Variants in FSTL5 observed in about 807,000 individuals in gnomAD.
FSTL5 encodes follistatin like 5.
Under a neutral mutation model 89.1 loss-of-function variants are expected in FSTL5, and 62 were observed. The ratio of observed to expected loss-of-function variants is 0.70; its 90% CI spans 0.57 to 0.86. The LOEUF is 0.86. Ranked by LOEUF, FSTL5 falls within the 40% of genes least tolerant of loss-of-function variation. The pLI is 0.00. For synonymous variants in FSTL5, 383 were observed against 346.2 expected (o/e 1.11, Z -1.18); for missense variants, 1,057 against 1,001.6 (o/e 1.06, Z -0.75).
intron 15 of FSTL5, among the ~76,000 whole-genome samples, chr4:161,393,340 C>T (rs1730884659): frequency 6.6e-6 from 1 of 151,636 alleles, no homozygotes; most frequent in South Asian, 2.1e-4. Flanking sequence ...TAATTATGCA[C>T]AATCTACTAT....
At chr4:162,133,339 T>C (rs764915994) in intron 1 of FSTL5, among the ~76,000 whole-genome samples, 1 of 152,192 alleles carries the variant, frequency 6.6e-6, no homozygotes, top group Non-Finnish European at 1.5e-5. Context: ...GAGTACCTTC[T>C]CCACGGTCAC....
intron 15 of FSTL5, among the ~76,000 whole-genome samples, chr4:161,395,549 A>G (rs896963254): frequency 6.6e-6 from 1 of 152,124 alleles, no homozygotes; most frequent in African/African-American, 2.4e-5. Flanking sequence ...TTATAATTAG[A>G]TTGGCTGATT....
chr4:161,884,237 G>T (rs1361478238), intron 4 of FSTL5, among the ~76,000 whole-genome samples: 1 of 151,834 alleles, frequency 6.6e-6, no homozygotes, highest in Non-Finnish European at 1.5e-5. Context: ...TTTTAGTAGA[G>T]ATATTGGCCA....
At chr4:162,032,052 C>T (rs1737550252) in intron 3 of FSTL5, among the ~76,000 whole-genome samples, 1 of 152,002 alleles carries the variant, frequency 6.6e-6, no homozygotes, top group Admixed American at 6.6e-5. Context: ...ATTGTTATTG[C>T]ATTATAAAAG....
At chr4:161,928,046 C>A (rs1734177027) in intron 3 of FSTL5, among the ~76,000 whole-genome samples, 1 of 151,712 alleles carries the variant, frequency 6.6e-6, no homozygotes, top group South Asian at 2.1e-4. Flanking sequence ...CCATTATGAG[C>A]TCAAGTCAAT....
intron 7 of FSTL5, among the ~76,000 whole-genome samples, chr4:161,613,593 GA>G (rs1474233127): frequency 6.6e-6 from 1 of 152,058 alleles, no homozygotes; most frequent in Non-Finnish European, 1.5e-5. Context: ...GGAGACCGAA[GA>G]AAAAAATCTC....
intron 2 of FSTL5, among the ~76,000 whole-genome samples, chr4:162,072,168 TTTAA>T (rs879491488): frequency 2.0e-5 from 3 of 151,818 alleles, no homozygotes; most frequent in Non-Finnish European, 4.4e-5. Context: ...TGAATGTCAG[TTTAA>T]TTGACATTAG....
intron 14 of FSTL5, among the ~76,000 whole-genome samples, chr4:161,457,064 A>C (rs1733378866): frequency 6.6e-6 from 1 of 152,270 alleles, no homozygotes; most frequent in Non-Finnish European, 1.5e-5. Flanking sequence ...TCTCCACGTG[A>C]CCCAAAGTTG....
chr4:161,889,502 G>C (rs1300004989), intron 4 of FSTL5, among the ~76,000 whole-genome samples: 1 of 152,224 alleles, frequency 6.6e-6, no homozygotes, highest in East Asian at 1.9e-4. Flanking sequence ...AAATTTGCTA[G>C]GTGTGGCAGT....
chr4:162,114,346 A>T (rs965577986), intron 1 of FSTL5, among the ~76,000 whole-genome samples: 1 of 152,212 alleles, frequency 6.6e-6, no homozygotes, highest in African/African-American at 2.4e-5. Context: ...TTCTGAATAC[A>T]TCTGCTGCTT....
Position 161,951,683 on chromosome 4 carries a change from T to C in FSTL5, c.161-31031A>G, listed in dbSNP as rs114843713. On this transcript the variant is annotated intron_variant, in intron 3 of 15. Coordinates refer to ENST00000306100, the MANE Select transcript of FSTL5 (RefSeq NM_020116.5). ...ATTATTTGAGAAATTACACATATTA[T>C]ACATAATTGTATAACTAAATTTTAA... Among the ~76,000 whole-genome samples the C allele has an allele frequency of 5.3e-3, 813 of 152,250 alleles. 7 individuals are homozygous for C. The highest frequency in any genetic ancestry group is 0.019 in the African/African-American group (774 of 41,576).
chr4:162,113,035 A>G (rs1430252514), intron 1 of FSTL5, among the ~76,000 whole-genome samples: 2 of 152,138 alleles, frequency 1.3e-5, no homozygotes, highest in Non-Finnish European at 2.9e-5. Flanking sequence ...ATCAAATCTC[A>G]TTGCTAGCTA....
chr4:161,563,781 G>C (rs1732694654), intron 8 of FSTL5, among the ~76,000 whole-genome samples: 2 of 151,870 alleles, frequency 1.3e-5, no homozygotes, highest in African/African-American at 2.4e-5. Context: ...GGCAAATTTG[G>C]AAAAGTTATT....
chr4:161,726,052 G>T (rs1739390455), intron 6 of FSTL5, among the ~76,000 whole-genome samples: 1 of 152,058 alleles, frequency 6.6e-6, no homozygotes. Flanking sequence ...AAAAAAGCTG[G>T]TGAGGAGCAG....
In FSTL5 at chr4:161,935,022, T is replaced by C. The variant is rs868484139; in HGVS notation, c.161-14370A>G. On this transcript the variant is annotated intron_variant, in intron 3 of 15. Coordinates refer to ENST00000306100, the MANE Select transcript of FSTL5 (RefSeq NM_020116.5). ...TATGGTGCATACTGATGATGTAATG[T>C]AACTTTAACAAAATATGACCAGCAA... Among the ~76,000 whole-genome samples, 3 of 152,290 alleles carry C rather than the reference T, an allele frequency of 2.0e-5. No individual in the cohort carries two copies. In the South Asian group the frequency reaches 6.2e-4, roughly 32 times the overall value.
intron 4 of FSTL5, among the ~76,000 whole-genome samples, chr4:161,848,598 T>C (rs1007684190): frequency 6.6e-6 from 1 of 152,162 alleles, no homozygotes; most frequent in African/African-American, 2.4e-5. Context: ...CATGGATTAA[T>C]CAGGAAAGCA....
chr4:161,619,350 G>T (rs1040154009), intron 7 of FSTL5, among the ~76,000 whole-genome samples: 2,445 of 152,180 alleles, frequency 0.016, 58 homozygotes, highest in African/African-American at 0.055. Flanking sequence ...GGGATCTAAT[G>T]AAACTAAAGA....
chr4:161,525,976 C>G (rs538166903), intron 10 of FSTL5, among the ~76,000 whole-genome samples: 1 of 152,138 alleles, frequency 6.6e-6, no homozygotes, highest in African/African-American at 2.4e-5. Context: ...CTTTGAAATG[C>G]CTTCTTAAAC....
chr4:161,526,934 T>C (rs1731240240), intron 10 of FSTL5, among the ~76,000 whole-genome samples: 1 of 152,180 alleles, frequency 6.6e-6, no homozygotes, highest in South Asian at 2.1e-4. Flanking sequence ...ATGCGGGCTC[T>C]TTTTTGGTGC....
Sources: gnomAD v4.1 joint callset for allele counts (sites outside exome capture counted in the v4.1 genomes callset) on GRCh38, gnomAD v4.1.1 for gene constraint, MANE v1.5 for transcripts, NCBI Gene and HGNC (gene_info 2026-07-23, HGNC 2026-07-21) for gene names.